The following CTSH variants were observed in gnomAD, a reference collection of about 807,000 sequenced individuals.
The protein encoded by CTSH is cathepsin H, also known as pro-cathepsin H.
CTSH carries 52 observed loss-of-function variants against 56.3 expected under a neutral mutation model. The ratio of observed to expected loss-of-function variants is 0.92; its 90% confidence interval spans 0.74 to 1.16. CTSH has a LOEUF of 1.16. Among genes scored for constraint, CTSH ranks in the 50% most tolerant of loss-of-function variants. The pLI is 0.00. For synonymous variants in CTSH, 174 were observed against 155.7 expected (o/e 1.12, Z -0.88); for missense variants, 406 against 424.5 (o/e 0.96, Z 0.38).
chr15:78,937,733 A>G (rs2055206508), intron 2 of CTSH: 5 of 1,344,226 alleles, frequency 3.7e-6, no homozygotes, highest in East Asian at 4.4e-5. Context: ...TGCTGGGTCA[A>G]GTTTACAGCA....
At chr15:78,937,548 T>A in intron 2 of CTSH, 125 bp from the exon 3 acceptor site, 1 of 1,341,044 alleles carries the variant, frequency 7.5e-7, no homozygotes. Flanking sequence ...AGGCCAAATC[T>A]GTGTTAATGG....
chr15:78,939,163 G>A lies in CTSH; in HGVS notation c.100C>T (p.His34Tyr). ...ELCVNSLEKF[H>Y]FKSWMSKHRK... ...ACCTTAGACATCCATGACTTGAAGT[G>A]AAACTTCTCTGTAAAAAGAAAAAAA... Residue 34 changes from histidine (H) to tyrosine (Y), a missense_variant, in exon 2 of 12, where the codon CAC (histidine) becomes TAC (tyrosine). Physicochemically the swap from His to Tyr is moderately conservative, Grantham distance 83. Coordinates refer to ENST00000220166, the MANE Select transcript of CTSH (RefSeq NM_004390.5). The A allele has an allele frequency of 1.3e-6, 2 of 1,587,424 alleles. No homozygotes were observed. Among genetic ancestry groups the A allele is most frequent in the Non-Finnish European group, 1.7e-6 (2 of 1,169,428 alleles).
At chr15:78,924,007 G>A (rs1471192876) in intron 10 of CTSH, among the ~76,000 whole-genome samples, 2 of 150,456 alleles carry the variant, frequency 1.3e-5, no homozygotes, top group Non-Finnish European at 3.0e-5. Context: ...GAGCAGGTTG[G>A]CAAAGAGGCT....
intron 1 of CTSH, among the ~76,000 whole-genome samples, chr15:78,941,157 T>C (rs2055278721): frequency 6.6e-6 from 1 of 152,076 alleles, no homozygotes; most frequent in African/African-American, 2.4e-5. Flanking sequence ...CTGGGCGCCG[T>C]GGCTCATGCC....
rs138082785 is a variant in CTSH, at chr15:78,928,120, G to A, written c.631-339C>T. ...CAGTCTCAGCCCAAAAAACAATGCT[G>A]GCAAGAGGCAGGTGCAGGGGTAAGG... On this transcript the variant is annotated intron_variant, in intron 8 of 11. Transcript: ENST00000220166. 7.2e-5 allele frequency among the ~76,000 whole-genome samples: 11 copies of A among 152,280 alleles called. No individual in the cohort carries two copies. The East Asian group carries it at 1.7e-3, about 24-fold the overall frequency.
At chr15:78,943,410 A>G (rs1176287411) in intron 1 of CTSH, among the ~76,000 whole-genome samples, 1 of 152,026 alleles carries the variant, frequency 6.6e-6, no homozygotes, top group African/African-American at 2.4e-5. Context: ...TTGTATTTTT[A>G]GTAGAGACAG....
intron 5 of CTSH, chr15:78,934,768 A>G: frequency 1.5e-6 from 1 of 653,984 alleles, no homozygotes; most frequent in Non-Finnish European, 2.8e-6. Context: ...TTAGCCCAAT[A>G]AAGAGGAACT....
chr15:78,929,355 G>A, intron 8 of CTSH, 57 bp downstream of exon 8: 3 of 1,316,316 alleles, frequency 2.3e-6, no homozygotes, highest in South Asian at 1.2e-5. Context: ...GCTGGGGAGG[G>A]AGTGAAGCTA....
chr15:78,935,799 TAATG>T, intron 3 of CTSH, 49 bp from the exon 4 acceptor site: 2 of 1,391,854 alleles, frequency 1.4e-6, no homozygotes, highest in Non-Finnish European at 2.0e-6. Flanking sequence ...AGTGAATCAC[TAATG>T]AAGAAACAAG....
intron 3 of CTSH, among the ~76,000 whole-genome samples, chr15:78,936,029 A>G (rs8034542): frequency 0.13 from 20,474 of 151,904 alleles, 1,696 homozygotes; most frequent in East Asian, 0.27. Flanking sequence ...CTGGGCACTT[A>G]CTTTTTTAGA....
intron 8 of CTSH, 48 bp from the exon 9 acceptor site, chr15:78,927,829 C>G: frequency 2.7e-6 from 4 of 1,491,434 alleles, no homozygotes; most frequent in Non-Finnish European, 3.7e-6. Flanking sequence ...GACCCGAAGT[C>G]TCAGCCTCCC....
intron 1 of CTSH, among the ~76,000 whole-genome samples, chr15:78,943,590 TTAG>T (rs1290564251): frequency 6.6e-6 from 1 of 152,186 alleles, no homozygotes; most frequent in Non-Finnish European, 1.5e-5. Context: ...TTTTAAATGG[TTAG>T]AAGAAACATA....
rs2054768788 is a variant in CTSH, at chr15:78,921,516, A to G, written c.*614T>C. On this transcript the variant is annotated 3_prime_UTR_variant, in exon 12 of 12. Transcript: ENST00000220166. ...TTCTGGGCTGACATTGTGGGTTTGA[A>G]TCCTGCCTCTGCCGCAGCTTGGCCC... 1 of 152,616 alleles carries G rather than the reference A, an allele frequency of 6.6e-6. No homozygotes were observed. Among genetic ancestry groups the G allele is most frequent in the African/African-American group, 2.4e-5 (1 of 41,414 alleles). The allele number at this position is 152,616 out of a possible 1,614,324, so 9.5% of individuals were successfully genotyped here.
intron 3 of CTSH, 190 bp downstream of exon 3, chr15:78,937,128 G>A (rs963914196): frequency 1.5e-5 from 9 of 586,872 alleles, no homozygotes; most frequent in Admixed American, 3.0e-5. Flanking sequence ...GAGGGGTACC[G>A]GCTTTGTCCC....
chr15:78,927,642 C>T, intron 9 of CTSH, 71 bp downstream of exon 9: 1 of 1,398,082 alleles, frequency 7.2e-7, no homozygotes, highest in Non-Finnish European at 1.0e-6. Context: ...GGCCCACTGG[C>T]TATCCGACAG....
At chr15:78,929,129 G>C (rs895764502) in intron 8 of CTSH, among the ~76,000 whole-genome samples, 5 of 152,130 alleles carry the variant, frequency 3.3e-5, no homozygotes, top group Non-Finnish European at 7.4e-5. Flanking sequence ...AGATGGGGCA[G>C]GTGGGGGGAA....
At chr15:78,940,613 CATG>C (rs2055267977) in intron 1 of CTSH, among the ~76,000 whole-genome samples, 1 of 151,824 alleles carries the variant, frequency 6.6e-6, no homozygotes, top group Non-Finnish European at 1.5e-5. Context: ...ATCTAAATAC[CATG>C]ATGATTTGAT....
intron 5 of CTSH, 100 bp downstream of exon 5, chr15:78,934,878 G>A (rs1395305157): frequency 1.2e-6 from 1 of 801,276 alleles, no homozygotes; most frequent in South Asian, 1.4e-5. Context: ...GCAGGGATGT[G>A]CTTGTGGTGG....
Position 78,939,054 on chromosome 15 carries a change from A to G in CTSH, c.123+86T>C, listed in dbSNP as rs939056262. On this transcript the variant is annotated intron_variant, in intron 2 of 11. Coordinates refer to ENST00000220166, the MANE Select transcript of CTSH (RefSeq NM_004390.5). ...GGCAAAGTTGGAAATTCCCTTTTTC[A>G]TTGTCTCAAATCTGGGACAGTTTGG... The G allele has an allele frequency of 2.0e-5, 25 of 1,274,904 alleles. No individual in the cohort carries two copies. In the East Asian group the frequency reaches 5.5e-4, roughly 28 times the overall value. 79.0% of individuals were successfully genotyped at this position (1,274,904 alleles called of 1,614,324 possible). A position where few individuals can be genotyped will look rare whatever the true frequency, so the allele number is the denominator to read the frequency against.
Sources: gnomAD v4.1 joint callset for allele counts (sites outside exome capture counted in the v4.1 genomes callset) on GRCh38, gnomAD v4.1.1 for gene constraint, MANE v1.5 for transcripts, NCBI Gene and HGNC (gene_info 2026-07-23, HGNC 2026-07-21) for gene names.